DPP6: variants seen among roughly 807,000 people sequenced by gnomAD.
DPP6 encodes the protein dipeptidyl peptidase like 6.
A neutral mutation model predicts 122.6 loss-of-function variants in DPP6; 69 were observed. The ratio of observed to expected loss-of-function variants is 0.56; its 90% CI spans 0.46 to 0.69. DPP6 has a LOEUF of 0.69. Among genes scored for constraint, DPP6 ranks in the 30% least tolerant of loss-of-function variants. The pLI is 0.00. For synonymous variants in DPP6, 418 were observed against 433.1 expected, an observed-to-expected ratio of 0.97 and a Z score of 0.43; for missense variants, 928 against 1,116.9, an observed-to-expected ratio of 0.83 and a Z score of 2.41.
intron 13 of DPP6, 115 bp downstream of exon 13, chr7:154,801,577 G>A: frequency 7.1e-7 from 1 of 1,404,810 alleles, no homozygotes; most frequent in Non-Finnish European, 9.4e-7. Context: ...GGAATCTGAA[G>A]GTGGTTCCCG....
At chr7:154,234,751 C>T (rs928519489) in intron 1 of DPP6, among the ~76,000 whole-genome samples, 5 of 152,122 alleles carry the variant, frequency 3.3e-5, no homozygotes, top group African/African-American at 9.7e-5. Flanking sequence ...CATGAGGGTC[C>T]AACAGGTGCC....
At chr7:153,950,962 G>A (rs765729450) in intron 1 of DPP6, among the ~76,000 whole-genome samples, 1 of 152,190 alleles carries the variant, frequency 6.6e-6, no homozygotes, top group Non-Finnish European at 1.5e-5. Flanking sequence ...TGGAGCACAG[G>A]GAGCGGCCAA....
chr7:154,838,499 A>G (rs1395462083), intron 16 of DPP6: 3 of 152,208 alleles, frequency 2.0e-5, no homozygotes, highest in African/African-American at 7.2e-5. Flanking sequence ...AACAAATTGC[A>G]CCAAGAGCCA....
At chr7:154,221,940 C>G (rs1800331045) in intron 1 of DPP6, among the ~76,000 whole-genome samples, 2 of 151,880 alleles carry the variant, frequency 1.3e-5, no homozygotes, top group African/African-American at 2.4e-5. Context: ...ATTTAATTTT[C>G]TCTAGATGAG....
rs182391945 is a variant in DPP6 at position 153,959,955 on chromosome 7, T to C, written c.51+72221T>C. On this transcript the variant is annotated intron_variant, in intron 1 of 25. Transcript: ENST00000404039. Reference sequence around the variant, plus strand: ...TTTTTTTTTTATTTAAAGTGAGAGATGTGTGACTCTTCCTTTCACTTTGAC... The same window carrying C: ...TTTTTTTTTTATTTAAAGTGAGAGACGTGTGACTCTTCCTTTCACTTTGAC... Among the ~76,000 whole-genome samples, 859 of 152,276 alleles carry C rather than the reference T, an allele frequency of 5.6e-3. 6 individuals carry two copies. The highest frequency in any genetic ancestry group is 7.9e-3 in the Non-Finnish European group (534 of 68,022).
chr7:154,427,048 C>T (rs1041859401), intron 1 of DPP6, among the ~76,000 whole-genome samples: 18 of 152,010 alleles, frequency 1.2e-4, no homozygotes, highest in African/African-American at 3.6e-4. Flanking sequence ...TTTTGGTGAG[C>T]GTGTCTATGC....
At chr7:153,945,780 G>A (rs1197761398) in intron 1 of DPP6, among the ~76,000 whole-genome samples, 1 of 152,214 alleles carries the variant, frequency 6.6e-6, no homozygotes, top group Non-Finnish European at 1.5e-5. Context: ...AAAGGTTTGG[G>A]CCGAGCAGCT....
intron 7 of DPP6, among the ~76,000 whole-genome samples, chr7:154,722,881 C>T (rs556907803): frequency 1.1e-4 from 16 of 152,322 alleles, no homozygotes; most frequent in Non-Finnish European, 1.8e-4. Flanking sequence ...CAGGATTTCT[C>T]AGCCTCTTGG....
At chr7:154,407,962 AATG>A (rs1286130354) in intron 1 of DPP6, among the ~76,000 whole-genome samples, 1 of 152,358 alleles carries the variant, frequency 6.6e-6, no homozygotes, top group East Asian at 1.9e-4. Flanking sequence ...TGGGAACAGT[AATG>A]ATACCTAACT....
At chr7:153,956,304 G>A (rs1243613965) in intron 1 of DPP6, among the ~76,000 whole-genome samples, 1 of 152,124 alleles carries the variant, frequency 6.6e-6, no homozygotes, top group Non-Finnish European at 1.5e-5. Context: ...CGGAGAGGCA[G>A]GAGACAAGGC....
chr7:154,358,228 C>G (rs1007803618), intron 1 of DPP6, among the ~76,000 whole-genome samples: 1 of 152,154 alleles, frequency 6.6e-6, no homozygotes, highest in African/African-American at 2.4e-5. Flanking sequence ...CCTGCTCAGC[C>G]GTGCAGCCTA....
chr7:154,256,118 T>G (rs966081372), intron 1 of DPP6, among the ~76,000 whole-genome samples: 1 of 152,254 alleles, frequency 6.6e-6, no homozygotes. Flanking sequence ...TATTCCACTG[T>G]AGACTCGAAC....
intron 1 of DPP6, among the ~76,000 whole-genome samples, chr7:154,411,089 C>A (rs561149675): frequency 6.6e-6 from 1 of 152,124 alleles, no homozygotes; most frequent in Non-Finnish European, 1.5e-5. Context: ...TCCGTCTCCA[C>A]CTTTGCTTAA....
rs1015719183 is a variant in DPP6, at chr7:154,272,799, G to A, written c.244-173415G>A. ...AGCCCAGAGGATGATGAGCTGGTGC[G>A]TGTTCTCATGCTGTGTCAAACCTCC... On this transcript the variant is annotated intron_variant, in intron 1 of 25. Transcript: ENST00000377770. Among the ~76,000 whole-genome samples the A allele has an allele frequency of 1.3e-4, 20 of 152,250 alleles. 1 individual carries two copies. The highest frequency in any genetic ancestry group is 3.4e-4 in the African/African-American group (14 of 41,546).
chr7:154,674,068 G>C (rs1028897004), intron 7 of DPP6, among the ~76,000 whole-genome samples: 17 of 151,994 alleles, frequency 1.1e-4, no homozygotes, highest in Non-Finnish European at 2.4e-4. Context: ...CAGAGATGGG[G>C]TTTCACCGTT....
intron 5 of DPP6, among the ~76,000 whole-genome samples, chr7:154,589,308 T>A (rs746120136): frequency 1.3e-5 from 2 of 152,232 alleles, no homozygotes; most frequent in Non-Finnish European, 2.9e-5. Context: ...CTAGTCACCA[T>A]CTATCACTCC....
chr7:154,775,393 C>T (rs978651310), intron 10 of DPP6, among the ~76,000 whole-genome samples: 3 of 152,154 alleles, frequency 2.0e-5, no homozygotes, highest in Admixed American at 2.0e-4. Context: ...CAACTCTCCC[C>T]TGTGTACCTC....
chr7:154,355,871 A>G (rs1411109893), intron 1 of DPP6, among the ~76,000 whole-genome samples: 5 of 152,210 alleles, frequency 3.3e-5, no homozygotes, highest in African/African-American at 9.7e-5. Context: ...TTACACACAC[A>G]TACTCACTCA....
chr7:153,858,398 G>T, the DPP6 span, among the ~76,000 whole-genome samples: 1 of 152,280 alleles, frequency 6.6e-6, no homozygotes, highest in East Asian at 1.9e-4. Context: ...CGCTAGTAAC[G>T]GTGTAAACAC....
Sources: allele counts gnomAD v4.1 joint callset (sites outside exome capture counted in the v4.1 genomes callset), GRCh38; gene constraint gnomAD v4.1.1; transcripts MANE v1.5; gene names NCBI Gene and HGNC (gene_info 2026-07-23, HGNC 2026-07-21).